Variants in TEX9 observed in about 807,000 individuals in gnomAD.
The protein encoded by TEX9 is testis expressed 9, also known as testis-expressed protein 9.
A neutral mutation model predicts 59.6 loss-of-function variants in TEX9; 74 were observed. The ratio of observed to expected loss-of-function variants is 1.24; its 90% confidence interval spans 1.03 to 1.51. The LOEUF is 1.51. TEX9 is among the 40% of genes most tolerant of loss of function. TEX9 has a pLI of 0.00. For missense variants in TEX9, 522 were observed against 447.8 expected (o/e 1.17, Z -1.49); for synonymous variants, 186 against 152.2 (o/e 1.22, Z -1.64).
At chr15:56,387,416 C>T (rs1310412095) in intron 4 of TEX9, among the ~76,000 whole-genome samples, 1 of 151,876 alleles carries the variant, frequency 6.6e-6, no homozygotes, top group Non-Finnish European at 1.5e-5. Flanking sequence ...GATTTAGTTT[C>T]TGTAATTTTT....
At chr15:56,415,399 A>T (rs551378227) in intron 10 of TEX9, among the ~76,000 whole-genome samples, 2 of 151,676 alleles carry the variant, frequency 1.3e-5, no homozygotes, top group African/African-American at 2.4e-5. Context: ...GTTCATCTTG[A>T]GTTGGTCTTT....
At chr15:56,426,839 A>C (rs1308372359) in intron 10 of TEX9, among the ~76,000 whole-genome samples, 1 of 151,284 alleles carries the variant, frequency 6.6e-6, no homozygotes, top group African/African-American at 2.4e-5. Flanking sequence ...GCTTTGCCCA[A>C]ATTGCTAAAG....
At position 56,412,820 on chromosome 15, in the gene TEX9, G is replaced by T. The variant is rs1396431553; in HGVS notation, c.963+384G>T. On this transcript the variant is annotated intron_variant, in intron 10 of 12. Transcript: ENST00000352903. ...AGATAAAGTAAGGCTCTATTTTACA[G>T]GGCAGTGGTTCTCAAACTTGAGCAT... Among the ~76,000 whole-genome samples, 7 of 152,210 alleles carry T rather than the reference G, an allele frequency of 4.6e-5. No homozygotes were observed. In the East Asian group the frequency reaches 1.4e-3, roughly 29 times the overall value.
At chr15:56,350,237 TATATAC>T (rs2046551528) in intron 1 of TEX9, among the ~76,000 whole-genome samples, 1 of 152,338 alleles carries the variant, frequency 6.6e-6, no homozygotes, top group East Asian at 1.9e-4. Flanking sequence ...ATATGCAAAA[TATATAC>T]ATACATTATG....
chr15:56,441,749 TCA>T (rs2050817585), intron 12 of TEX9, among the ~76,000 whole-genome samples: 1 of 152,218 alleles, frequency 6.6e-6, no homozygotes, highest in Admixed American at 6.5e-5. Flanking sequence ...GCACGGTGGC[TCA>T]CACCTCTAAT....
At chr15:56,249,906 A>G (rs567001346) in intron 1 of TEX9, among the ~76,000 whole-genome samples, 1 of 152,268 alleles carries the variant, frequency 6.6e-6, no homozygotes, top group African/African-American at 2.4e-5. Context: ...ATATGGATGC[A>G]CAATGCCATT....
intron 1 of TEX9, among the ~76,000 whole-genome samples, chr15:56,323,897 T>G (rs76665040): frequency 0.059 from 8,927 of 152,184 alleles, 673 homozygotes; most frequent in East Asian, 0.37. Flanking sequence ...ATAATTGAAA[T>G]GTAAGGCTCT....
intron 1 of TEX9, among the ~76,000 whole-genome samples, chr15:56,305,429 T>C (rs181611887): frequency 3.9e-5 from 6 of 152,122 alleles, no homozygotes; most frequent in African/African-American, 1.4e-4. Flanking sequence ...AACAGACACA[T>C]AGACCAAAGA....
At chr15:56,292,801 A>G (rs2045126914) in intron 1 of TEX9, among the ~76,000 whole-genome samples, 1 of 152,146 alleles carries the variant, frequency 6.6e-6, no homozygotes, top group South Asian at 2.1e-4. Flanking sequence ...ATATGGCGGT[A>G]CTAAGCCCCT....
intron 1 of TEX9, among the ~76,000 whole-genome samples, chr15:56,255,771 A>G (rs1567063550): frequency 6.6e-6 from 1 of 152,104 alleles, no homozygotes; most frequent in Non-Finnish European, 1.5e-5. Flanking sequence ...GGAATGAAAA[A>G]TACAGAGCCA....
exon 8 of TEX9, chr15:56,394,173 A>G (rs1466206434): frequency 1.2e-6 from 2 of 1,608,088 alleles, no homozygotes; most frequent in East Asian, 2.2e-5. Context: ...AGAAGCACAG[A>G]TCAGATTTCT....
In TEX9 at chr15:56,407,083, T is replaced by TTG. The variant is rs141670179; in HGVS notation, c.829-5203_829-5202dup. On this transcript the variant is annotated intron_variant, in intron 9 of 12. Transcript: ENST00000352903. ...ATTTCTTCTAGAAGTGTTATAGTGT[T>TTG]TGTGTGTGTGTGTGTGTATCTCAAA... Among the ~76,000 whole-genome samples, 232 of 150,804 alleles carry TTG rather than the reference T, an allele frequency of 1.5e-3. 1 individual carries two copies. Among genetic ancestry groups the TTG allele is most frequent in the East Asian group, 5.6e-3 (29 of 5,142 alleles).
At chr15:56,426,622 TATATAC>T (rs1224345913) in intron 10 of TEX9, among the ~76,000 whole-genome samples, 21 of 58,074 alleles carry the variant, frequency 3.6e-4, no homozygotes, top group East Asian at 2.0e-3. Flanking sequence ...TATATATATA[TATATAC>T]ACACACACAA....
exon 10 of TEX9, chr15:56,412,304 A>C: frequency 6.2e-7 from 1 of 1,604,784 alleles, no homozygotes; most frequent in Non-Finnish European, 8.5e-7. Flanking sequence ...CTATACAGGA[A>C]TTAGAAAATA....
chr15:56,390,552 A>C (rs2048159159), intron 6 of TEX9, among the ~76,000 whole-genome samples: 1 of 152,060 alleles, frequency 6.6e-6, no homozygotes, highest in Non-Finnish European at 1.5e-5. Flanking sequence ...TCAGAACCAT[A>C]AATTTGTTGA....
At chr15:56,414,517 G>A (rs1488777360) in intron 10 of TEX9, among the ~76,000 whole-genome samples, 9 of 151,656 alleles carry the variant, frequency 5.9e-5, no homozygotes, top group African/African-American at 2.2e-4. Context: ...TCCTACATTA[G>A]TTTGCTAAGG....
rs1048991461 is a variant in TEX9, at chr15:56,372,539, G to A, written c.120-902G>A. Reference sequence around the variant, plus strand: ...GTGTTAACCTTTAAAAGTGAAAAGGGGACTTAACAATAGGGACAGAGTTCA... The same window carrying A: ...GTGTTAACCTTTAAAAGTGAAAAGGAGACTTAACAATAGGGACAGAGTTCA... On this transcript the variant is annotated intron_variant, in intron 2 of 12. Coordinates refer to ENST00000352903, the Ensembl canonical transcript of TEX9. Among the ~76,000 whole-genome samples, 6 of 152,042 alleles carry A rather than the reference G, an allele frequency of 3.9e-5. No homozygotes were observed. In the East Asian group the frequency reaches 1.2e-3, roughly 29 times the overall value.
At chr15:56,277,124 T>C (rs1032460090) in intron 1 of TEX9, among the ~76,000 whole-genome samples, 16 of 152,206 alleles carry the variant, frequency 1.1e-4, no homozygotes, top group African/African-American at 3.1e-4. Flanking sequence ...AGGTTGCCTG[T>C]TCAGTCTGAT....
intron 1 of TEX9, among the ~76,000 whole-genome samples, chr15:56,266,081 AT>A (rs566365980): frequency 2.0e-5 from 3 of 150,790 alleles, no homozygotes; most frequent in East Asian, 3.9e-4. Context: ...ATTATTATGC[AT>A]TTTTTTGTAT....
Sources: allele counts gnomAD v4.1 joint callset (sites outside exome capture counted in the v4.1 genomes callset), GRCh38; gene constraint gnomAD v4.1.1; transcripts MANE v1.5; gene names NCBI Gene and HGNC (gene_info 2026-07-23, HGNC 2026-07-21).